Variants in MED12L observed in about 807,000 individuals in gnomAD.
The protein encoded by MED12L is mediator of RNA polymerase II transcription subunit 12-like protein.
In MED12L, 60 loss-of-function variants were observed where a neutral mutation model predicts 281.3. That is an observed-to-expected ratio of 0.21 (90% CI 0.17 to 0.26). The LOEUF is 0.26. MED12L is among the 10% of genes least tolerant of loss of function. MED12L has a pLI of 1.00. For missense variants in MED12L, 2,146 were observed against 2,680.9 expected, an observed-to-expected ratio of 0.80 and a Z score of 4.41; for synonymous variants, 974 against 987.2, an observed-to-expected ratio of 0.99 and a Z score of 0.25.
In MED12L at chr3:151,326,981, G is replaced by A. The variant is rs532342069; in HGVS notation, c.2251-23078G>A. ...TTACTGATTGTGGGTCAGCAATTACGTCTTTGTATGTATCGAGAATAGCAA... is the reference window on the plus strand; with the variant it reads ...TTACTGATTGTGGGTCAGCAATTACATCTTTGTATGTATCGAGAATAGCAA... On this transcript the variant is annotated intron_variant, in intron 16 of 44. Transcript: ENST00000687756. 30 of 152,286 alleles carry A rather than the reference G, an allele frequency of 2.0e-4. 1 individual carries two copies. The South Asian group carries it at 3.7e-3, about 19-fold the overall frequency. 9.4% of individuals were successfully genotyped at this position (152,286 alleles called of 1,614,324 possible). A position where few individuals can be genotyped will look rare whatever the true frequency, so the allele number is the denominator to read the frequency against.
intron 16 of MED12L, among the ~76,000 whole-genome samples, chr3:151,220,057 A>G (rs925550421): frequency 6.7e-6 from 1 of 149,534 alleles, no homozygotes; most frequent in Non-Finnish European, 1.5e-5. Context: ...CCAGATAATT[A>G]TTTATTTTTG....
intron 16 of MED12L, among the ~76,000 whole-genome samples, chr3:151,229,530 G>A (rs1278933595): frequency 7.2e-6 from 1 of 138,808 alleles, no homozygotes. Context: ...CCAGGCTGGA[G>A]TGCAGTGGCA....
intron 16 of MED12L, chr3:151,213,819 C>T (rs1387859407): frequency 1.2e-6 from 2 of 1,614,184 alleles, no homozygotes; most frequent in Admixed American, 3.3e-5. Flanking sequence ...TTTGTGTAAC[C>T]TCCCTAACAC....
chr3:151,368,239 C>A lies in MED12L; in HGVS notation c.3538C>A (p.Pro1180Thr). 6.2e-7 allele frequency: 1 copy of A among 1,613,804 alleles called. No individual in the cohort carries two copies. Among genetic ancestry groups the A allele is most frequent in the Non-Finnish European group, 8.5e-7 (1 of 1,179,748 alleles). ...LFRAPQACFL[P>T]QATGKPFPGI... The stretch of plus-strand genomic sequence containing the variant: ...CCGAGCTCCCCAGGCCTGCTTCTTA[C>A]CTCAAGCAACGGGTGAGCTGACTGC... Residue 1180 changes from proline to threonine, a missense_variant, in exon 25 of 45, where the codon CCT (proline) becomes ACT (threonine). Transcript: ENST00000687756.
At chr3:151,132,665 A>G (rs1274498549) in intron 5 of MED12L, among the ~76,000 whole-genome samples, 1 of 152,220 alleles carries the variant, frequency 6.6e-6, no homozygotes, top group Non-Finnish European at 1.5e-5. Context: ...GTGTAAATAT[A>G]CAGTTCCTTT....
chr3:151,371,987 G>GT (rs1756244658), intron 26 of MED12L, among the ~76,000 whole-genome samples: 1 of 152,136 alleles, frequency 6.6e-6, no homozygotes, highest in Non-Finnish European at 1.5e-5. Flanking sequence ...AGAGAGGAAG[G>GT]TAAAAAAACA....
At chr3:151,273,934 CAG>C (rs1293080411) in intron 16 of MED12L, among the ~76,000 whole-genome samples, 3 of 152,194 alleles carry the variant, frequency 2.0e-5, no homozygotes, top group African/African-American at 7.2e-5. Flanking sequence ...GAGGCTAAGA[CAG>C]AGTCTTTTCT....
At chr3:151,325,230 TAC>T (rs2149841634) in intron 16 of MED12L, among the ~76,000 whole-genome samples, 1 of 152,340 alleles carries the variant, frequency 6.6e-6, no homozygotes, top group East Asian at 1.9e-4. Flanking sequence ...CTTTCCACTT[TAC>T]AGTTATCTTC....
intron 11 of MED12L, among the ~76,000 whole-genome samples, chr3:151,166,692 T>TA (rs1253841211): frequency 4.6e-5 from 7 of 151,124 alleles, no homozygotes; most frequent in Non-Finnish European, 7.4e-5. Flanking sequence ...TTTTTTTTTT[T>TA]AAAGACAGAG....
chr3:151,195,727 T>A (rs1178623568), intron 16 of MED12L, among the ~76,000 whole-genome samples: 2 of 151,916 alleles, frequency 1.3e-5, no homozygotes, highest in Non-Finnish European at 2.9e-5. Context: ...ACGTCCGGAG[T>A]TTATTTAATA....
chr3:151,213,198 G>C (rs1437439872), intron 16 of MED12L: 2 of 890,092 alleles, frequency 2.2e-6, no homozygotes, highest in Non-Finnish European at 3.5e-6. Context: ...GGCAGTGCTA[G>C]AGATGATATT....
intron 6 of MED12L, 85 bp downstream of exon 6, chr3:151,156,415 A>T: frequency 1.5e-6 from 2 of 1,326,510 alleles, no homozygotes; most frequent in Non-Finnish European, 2.0e-6. Flanking sequence ...CTGGGGTTAA[A>T]TCCTATTTTA....
chr3:151,156,770 C>T (rs1719344806), intron 6 of MED12L, among the ~76,000 whole-genome samples: 1 of 151,954 alleles, frequency 6.6e-6, no homozygotes, highest in South Asian at 2.1e-4. Context: ...GGGGTAAGGG[C>T]GTTTAGGAAT....
chr3:151,326,980 C>T (rs1356083817), intron 16 of MED12L: 3 of 152,188 alleles, frequency 2.0e-5, no homozygotes, highest in Non-Finnish European at 2.9e-5. Context: ...TCAGCAATTA[C>T]GTCTTTGTAT....
chr3:151,116,442 G>A lies in MED12L; in HGVS notation c.204G>A (p.Lys68=). The change falls in exon 3 of 45, where the codon AAG becomes AAA. Residue 68 remains lysine, a splice_region_variant and synonymous_variant. Transcript: ENST00000687756. ...SARNIVINPS[K]IGAYFSSILA... The stretch of plus-strand genomic sequence containing the variant: ...GAAATATTGTAATTAACCCATCAAA[G>A]GTAATGTTATTTGTTTGTTTCCTCA... 6.3e-7 allele frequency: 1 copy of A among 1,597,334 alleles called. No individual in the cohort carries two copies. Among genetic ancestry groups the A allele is most frequent in the Non-Finnish European group, 8.6e-7 (1 of 1,166,038 alleles).
chr3:151,298,593 G>A (rs1745421119), intron 16 of MED12L, among the ~76,000 whole-genome samples: 2 of 152,144 alleles, frequency 1.3e-5, no homozygotes, highest in East Asian at 1.9e-4. Context: ...ATTAACAAAT[G>A]CAGTGACATA....
At chr3:151,312,600 G>A (rs530554110) in intron 16 of MED12L, among the ~76,000 whole-genome samples, 1 of 152,288 alleles carries the variant, frequency 6.6e-6, no homozygotes, top group South Asian at 2.1e-4. Flanking sequence ...TCTTTGACCT[G>A]AGAGCCTGTT....
chr3:151,095,043 C>T (rs1019494907), intron 2 of MED12L, among the ~76,000 whole-genome samples: 2 of 152,212 alleles, frequency 1.3e-5, no homozygotes, highest in East Asian at 1.9e-4. Flanking sequence ...TTGAACAGTG[C>T]GATATCGGGC....
intron 16 of MED12L, among the ~76,000 whole-genome samples, chr3:151,341,625 G>A (rs1751837024): frequency 1.3e-5 from 2 of 151,210 alleles, no homozygotes; most frequent in African/African-American, 4.9e-5. Flanking sequence ...TGTGCACAAT[G>A]TGCAGGTTAG....
Sources: allele counts gnomAD v4.1 joint callset (sites outside exome capture counted in the v4.1 genomes callset), GRCh38; gene constraint gnomAD v4.1.1; transcripts MANE v1.5; gene names NCBI Gene and HGNC (gene_info 2026-07-23, HGNC 2026-07-21).